BLTP3B: variants seen among roughly 807,000 people sequenced by gnomAD.
BLTP3B encodes UHRF1 (ICBP90) binding protein 1-like.
At chr12:100,116,395 G>A in the BLTP3B span, among the ~76,000 whole-genome samples, 1 of 142,758 alleles carries the variant, frequency 7.0e-6, no homozygotes, top group Non-Finnish European at 1.5e-5. Flanking sequence ...TGGAGTTGGT[G>A]CCTAGATCAT....
the BLTP3B span, among the ~76,000 whole-genome samples, chr12:100,049,057 A>G: frequency 6.6e-6 from 1 of 152,096 alleles, no homozygotes; most frequent in African/African-American, 2.4e-5. Flanking sequence ...CAATATGCAC[A>G]TGGTATAATC....
chr12:100,084,696 A>G, the BLTP3B span: 6 of 1,577,184 alleles, frequency 3.8e-6, no homozygotes, highest in Non-Finnish European at 5.2e-6. Context: ...TGAAAAATGT[A>G]CAACTTTCAT....
At chr12:100,052,790 G>GTTTTTTTTTTTTTTTTTTTT in the BLTP3B span, among the ~76,000 whole-genome samples, 1 of 114,340 alleles carries the variant, frequency 8.7e-6, no homozygotes, top group African/African-American at 3.3e-5. Flanking sequence ...TTTCTTTTCT[G>GTTTTTTTTTTTTTTTTTTTT]TTTTTTTTTT....
the BLTP3B span, among the ~76,000 whole-genome samples, chr12:100,060,893 C>T: frequency 1.3e-5 from 2 of 152,044 alleles, no homozygotes; most frequent in Non-Finnish European, 1.5e-5. Context: ...GTGTGAGATA[C>T]CAGTGGAGAG....
the BLTP3B span, chr12:100,037,422 G>A: frequency 3.1e-6 from 4 of 1,293,076 alleles, no homozygotes; most frequent in South Asian, 7.5e-5. Context: ...TTAAAAGAGG[G>A]TTAAGCCCCA....
chr12:100,097,261 C>T, the BLTP3B span: 1 of 1,201,626 alleles, frequency 8.3e-7, no homozygotes, highest in East Asian at 2.6e-5. Flanking sequence ...TCACCTAAGA[C>T]ATTGTTTAAA....
chr12:100,142,717 C>T, the BLTP3B span: 1 of 1,534,310 alleles, frequency 6.5e-7, no homozygotes, highest in Non-Finnish European at 8.8e-7. Context: ...TCTGTCCCGG[C>T]TAGCCCGGCC....
chr12:100,084,335 A>G, the BLTP3B span: 2 of 931,132 alleles, frequency 2.1e-6, no homozygotes, highest in Non-Finnish European at 3.0e-6. Flanking sequence ...TCTCTACATT[A>G]AAAAGAAGAA....
the BLTP3B span, among the ~76,000 whole-genome samples, chr12:100,075,538 T>C: frequency 6.6e-6 from 1 of 151,768 alleles, no homozygotes; most frequent in Admixed American, 6.6e-5. Context: ...ATCAACAGAG[T>C]CAACAGACAT....
At chr12:100,059,497 G>T in the BLTP3B span, 1 of 1,604,872 alleles carries the variant, frequency 6.2e-7, no homozygotes, top group African/African-American at 1.3e-5. Flanking sequence ...GGCTGATCTT[G>T]ATGACATTCA....
chr12:100,107,289 CA>C, the BLTP3B span, among the ~76,000 whole-genome samples: 5,732 of 35,468 alleles, frequency 0.16, 66 homozygotes, highest in African/African-American at 0.19. Flanking sequence ...CTCCATCTCC[CA>C]AAAAAAAAAA....
At chr12:100,061,518 G>A in the BLTP3B span, among the ~76,000 whole-genome samples, 6 of 152,062 alleles carry the variant, frequency 3.9e-5, no homozygotes, top group East Asian at 5.8e-4. Context: ...TTAGCCGGGC[G>A]TGGTGGCGGG....
chr12:100,047,724 GTTTCAGCTGA>G, the BLTP3B span: 13 of 1,143,316 alleles, frequency 1.1e-5, no homozygotes, highest in African/African-American at 1.6e-4. Flanking sequence ...ATCTTTATAT[GTTTCAGCTGA>G]TATAGCGAGA....
At chr12:100,094,736 T>C in the BLTP3B span, among the ~76,000 whole-genome samples, 1 of 152,330 alleles carries the variant, frequency 6.6e-6, no homozygotes, top group Non-Finnish European at 1.5e-5. Context: ...GGCACTTGCC[T>C]GTAGTCCCAG....
chr12:100,142,639 A>G, the BLTP3B span: 2 of 1,607,962 alleles, frequency 1.2e-6, no homozygotes, highest in Middle Eastern at 1.7e-4. Flanking sequence ...CGGCCATGGT[A>G]CCGAGGCTGG....
chr12:100,099,891 G>A, the BLTP3B span, among the ~76,000 whole-genome samples: 2 of 150,670 alleles, frequency 1.3e-5, no homozygotes, highest in Non-Finnish European at 2.9e-5. Flanking sequence ...TCATGCCACT[G>A]CAGTCCAGCC....
chr12:100,121,570 CTTGTAA>C, the BLTP3B span, among the ~76,000 whole-genome samples: 5 of 152,156 alleles, frequency 3.3e-5, no homozygotes, highest in East Asian at 9.8e-4. Flanking sequence ...GTGGCTCAAG[CTTGTAA>C]TCCCAACACT....
the BLTP3B span, chr12:100,047,416 C>G: frequency 2.4e-5 from 17 of 702,546 alleles, 1 homozygote; most frequent in South Asian, 2.9e-4. Context: ...GAGAATCACT[C>G]GAACCAGGGA....
At chr12:100,121,702 G>A in the BLTP3B span, among the ~76,000 whole-genome samples, 4 of 152,094 alleles carry the variant, frequency 2.6e-5, no homozygotes, top group African/African-American at 7.2e-5. Context: ...GGTGGCGCCC[G>A]CCTATAAGCC....
Sources: gnomAD v4.1 joint callset for allele counts (sites outside exome capture counted in the v4.1 genomes callset) on GRCh38, gnomAD v4.1.1 for gene constraint, MANE v1.5 for transcripts, NCBI Gene and HGNC (gene_info 2026-07-23, HGNC 2026-07-21) for gene names.